The following MGA variants were observed in gnomAD, a reference collection of about 807,000 sequenced individuals.
The protein encoded by MGA is MAX dimerization protein MGA.
In MGA, 40 loss-of-function variants were observed where a neutral mutation model predicts 261.1. That is an observed-to-expected ratio of 0.15 (90% CI 0.12 to 0.20). The LOEUF (loss-of-function observed/expected upper bound fraction) is 0.20. Among genes scored for constraint, MGA ranks in the 10% least tolerant of loss-of-function variants. The pLI is 1.00. For synonymous variants in MGA, 1,302 were observed against 1,290.6 expected (o/e 1.01, Z -0.19); for missense variants, 3,397 against 3,630.5 (o/e 0.94, Z 1.65).
chr15:41,756,052 AAATT>A (rs1158058102), intron 18 of MGA, among the ~76,000 whole-genome samples: 7 of 152,214 alleles, frequency 4.6e-5, no homozygotes, highest in Non-Finnish European at 8.8e-5. Context: ...AGATTTGTTT[AAATT>A]AATTGTTTAA....
chr15:41,746,494 G>A (rs1266000182), intron 15 of MGA, among the ~76,000 whole-genome samples: 8 of 140,490 alleles, frequency 5.7e-5, no homozygotes, highest in Admixed American at 7.5e-5. Context: ...TCAGTGAGCC[G>A]AGATCTTGCC....
rs34069193 is a variant in MGA, at chr15:41,762,461, G to GTTTTTTTTTTTTTTTTTTTTTTT, written c.7744+107_7744+129dup. The GTTTTTTTTTTTTTTTTTTTTTTT allele has an allele frequency of 6.5e-5, 9 of 138,446 alleles. 3 individuals are homozygous for GTTTTTTTTTTTTTTTTTTTTTTT. The highest frequency in any genetic ancestry group is 9.0e-5 in the Non-Finnish European group (7 of 77,720). The allele number at this position is 138,446 out of a possible 1,614,324, so 8.6% of individuals were successfully genotyped here. ...TTGTCCACATTTTTAGTTTTGTGTG[G>GTTTTTTTTTTTTTTTTTTTTTTT]TTTTTTTTTTTTTTTTTTTTTTTTT... On this transcript the variant is annotated intron_variant, in intron 22 of 23. Transcript: ENST00000219905.
intron 2 of MGA, among the ~76,000 whole-genome samples, chr15:41,684,028 T>G (rs1030461041): frequency 1.3e-5 from 2 of 152,174 alleles, no homozygotes; most frequent in African/African-American, 4.8e-5. Context: ...CGTTATAATA[T>G]GGGTTCTTCC....
In MGA at chr15:41,748,892, A is replaced by G. The variant is rs61736071; in HGVS notation, c.5468A>G (p.Gln1823Arg). 1.2e-6 allele frequency: 2 copies of G among 1,613,892 alleles called. No homozygotes were observed. Among genetic ancestry groups the G allele is most frequent in the South Asian group, 2.2e-5 (2 of 91,082 alleles). ...CATCAGCTTCGAGGCTCTAATACCC[A>G]GCCCAACTTACAGCCTGTCATGTTT... Residue 1823 changes from glutamine (Q) to arginine (R), a missense_variant, in exon 16 of 24, where the codon CAG becomes CGG. This residue lies in a region of MGA where 1,410 missense variants were observed against 1,386.4 expected (regional missense o/e 1.02). Transcript: ENST00000219905.
At chr15:41,762,453 T>TC (rs1490457905) in intron 22 of MGA, 91 bp downstream of exon 22, 9 of 769,582 alleles carry the variant, frequency 1.2e-5, no homozygotes, top group Admixed American at 3.4e-5. Flanking sequence ...CATTTTTAGT[T>TC]TTGTGTGGTT....
Position 41,754,408 on chromosome 15 carries a change from T to C in MGA, c.7009-29T>C. 5 of 1,510,588 alleles carry C rather than the reference T, an allele frequency of 3.3e-6. No individual in the cohort carries two copies. The South Asian group carries it at 6.5e-5, about 20-fold the overall frequency. The allele number at this position is 1,510,588 out of a possible 1,614,324, so 93.6% of individuals were successfully genotyped here. A position where few individuals can be genotyped will look rare whatever the true frequency, so the allele number is the denominator to read the frequency against. On this transcript the variant is annotated intron_variant, in intron 17 of 23. Coordinates refer to ENST00000219905, the MANE Select transcript of MGA (RefSeq NM_001164273.2). ...TTAGGTGTGCTTGCCACTCAATACA[T>C]TATTTACTTTTATAATGATGTATTT...
chr15:41,628,336 C>T lies in MGA; in HGVS notation c.-68+7038C>T, dbSNP rs28703698. On this transcript the variant is annotated intron_variant, in intron 1 of 8. Coordinates refer to the MGA transcript ENST00000566718. ...GAGCTGAGATCGTGCCACTGCTCTC[C>T]AGCCTGGGTGACAGAGCAAGACTCT... Among the ~76,000 whole-genome samples, 337 of 139,392 alleles carry T rather than the reference C, an allele frequency of 2.4e-3. 2 individuals are homozygous for T. The highest frequency in any genetic ancestry group is 9.1e-3 in the African/African-American group (328 of 35,992). The allele number at this position is 139,392 out of a possible 152,430, so 91.4% of individuals were successfully genotyped here. A position where few individuals can be genotyped will look rare whatever the true frequency, so the allele number is the denominator to read the frequency against.
In MGA at chr15:41,766,287, T is replaced by C; in HGVS notation, c.8205T>C (p.Asn2735=). The change falls in exon 24 of 24, where the codon AAT becomes AAC. Residue 2735 remains asparagine, a synonymous_variant. Coordinates refer to ENST00000219905, the MANE Select transcript of MGA (RefSeq NM_001164273.2). The stretch of plus-strand genomic sequence containing the variant: ...ATCCACAAATAGTTGACGTTTCCAA[T>C]ATGCAGAAAGCACAAGAGTTCTTAC... 1 of 1,613,978 alleles carries C rather than the reference T, an allele frequency of 6.2e-7. No individual in the cohort carries two copies. Among genetic ancestry groups the C allele is most frequent in the South Asian group, 1.1e-5 (1 of 91,076 alleles).
rs370398482 is a variant in MGA at position 41,702,124 on chromosome 15, A to G, written c.2188+2965A>G. ...CACTTGAGGTTGGGAGTTCGAGACT[A>G]GCCTGGCCAACGTGGCGAAACTCCG... On this transcript the variant is annotated intron_variant, in intron 5 of 23. Coordinates refer to ENST00000219905, the MANE Select transcript of MGA (RefSeq NM_001164273.2). Among the ~76,000 whole-genome samples the G allele has an allele frequency of 8.5e-5, 13 of 152,112 alleles. No homozygotes were observed. In the East Asian group the frequency reaches 1.5e-3, roughly 18 times the overall value.
At chr15:41,654,968 T>G (rs2057134396) in intron 1 of MGA, among the ~76,000 whole-genome samples, 1 of 152,158 alleles carries the variant, frequency 6.6e-6, no homozygotes, top group Non-Finnish European at 1.5e-5. Flanking sequence ...TGTCATAACA[T>G]TTTTTCCAAT....
chr15:41,635,693 G>A lies in MGA; in HGVS notation c.-68+14395G>A, dbSNP rs575374458. On this transcript the variant is annotated intron_variant, in intron 1 of 8. Transcript: ENST00000566718. Reference sequence around the variant, plus strand: ...CCTGGGTAACAGAGTGGGTGTCTCAGAAAAAAGAAGGACTACATTAAGACT... The same window carrying A: ...CCTGGGTAACAGAGTGGGTGTCTCAAAAAAAAGAAGGACTACATTAAGACT... Among the ~76,000 whole-genome samples the A allele has an allele frequency of 4.6e-5, 7 of 152,124 alleles. No individual in the cohort carries two copies. In the South Asian group the frequency reaches 1.4e-3, roughly 31 times the overall value.
intron 1 of MGA, among the ~76,000 whole-genome samples, chr15:41,627,310 C>A (rs2056479904): frequency 1.3e-5 from 2 of 152,248 alleles, no homozygotes; most frequent in South Asian, 4.1e-4. Context: ...CTATTCCATC[C>A]AAGATAACAC....
intron 5 of MGA, among the ~76,000 whole-genome samples, chr15:41,700,953 A>G (rs369609670): frequency 1.9e-4 from 29 of 152,212 alleles, no homozygotes; most frequent in Admixed American, 1.8e-3. Context: ...TCAAATGGTA[A>G]TACTTGAAGA....
At chr15:41,680,040 A>G in intron 2 of MGA, among the ~76,000 whole-genome samples, 1 of 152,090 alleles carries the variant, frequency 6.6e-6, no homozygotes, top group Non-Finnish European at 1.5e-5. Context: ...ATATTCTTGG[A>G]CACTGTTTTC....
At chr15:41,660,033 T>C (rs2057299363), upstream of MGA, among the ~76,000 whole-genome samples, 1 of 152,166 alleles carries the variant, frequency 6.6e-6, no homozygotes, top group African/African-American at 2.4e-5. Context: ...TGGGTGGGGC[T>C]GGGCGCGGCC....
intron 1 of MGA, among the ~76,000 whole-genome samples, chr15:41,654,708 C>T (rs2057129633): frequency 6.6e-6 from 1 of 152,028 alleles, no homozygotes; most frequent in Admixed American, 6.6e-5. Context: ...AAGATGGAGT[C>T]TCACTATGTT....
At chr15:41,710,389 T>G (rs150638351) in intron 7 of MGA, among the ~76,000 whole-genome samples, 26 of 152,330 alleles carry the variant, frequency 1.7e-4, no homozygotes, top group African/African-American at 6.3e-4. Context: ...TATTTTTTCT[T>G]TCTGAGGAGG....
At chr15:41,705,725 A>G (rs1037562047) in intron 5 of MGA, among the ~76,000 whole-genome samples, 1 of 152,224 alleles carries the variant, frequency 6.6e-6, no homozygotes, top group Non-Finnish European at 1.5e-5. Context: ...TAGATTCTCA[A>G]AGCATACAAC....
intron 2 of MGA, among the ~76,000 whole-genome samples, chr15:41,693,362 T>G (rs1177938938): frequency 1.5e-5 from 2 of 133,074 alleles, no homozygotes; most frequent in Non-Finnish European, 3.1e-5. Context: ...TCTGTGTCCA[T>G]GCGTTCTCAT....
Sources: allele counts gnomAD v4.1 joint callset (sites outside exome capture counted in the v4.1 genomes callset), GRCh38; gene constraint gnomAD v4.1.1; regional missense constraint gnomAD v4.1.1; transcripts MANE v1.5; gene names NCBI Gene and HGNC (gene_info 2026-07-23, HGNC 2026-07-21).